TMEM51: variants seen among roughly 807,000 people sequenced by gnomAD.
TMEM51 encodes transmembrane protein 51, also known as chromosome 1 open reading frame 72.
Under a neutral mutation model 13.6 loss-of-function variants are expected in TMEM51, and 8 were observed. The observed-to-expected ratio is 0.59, with a 90% CI of 0.35 to 1.07. The LOEUF is 1.07. Among genes scored for constraint, TMEM51 ranks in the 50% least tolerant of loss-of-function variants. The pLI, the probability that TMEM51 is intolerant of heterozygous loss-of-function variation, is 0.02. For synonymous variants in TMEM51, 147 were observed against 144.4 expected, an observed-to-expected ratio of 1.02 and a Z score of -0.13; for missense variants, 279 against 330.7, an observed-to-expected ratio of 0.84 and a Z score of 1.21.
At chr1:15,153,510 T>G (rs942106977), upstream of TMEM51, among the ~76,000 whole-genome samples, 1 of 107,548 alleles carries the variant, frequency 9.3e-6, no homozygotes, top group African/African-American at 3.5e-5. Context: ...CTGGCAAGGG[T>G]TGGGGAGAAC....
intron 1 of TMEM51, among the ~76,000 whole-genome samples, chr1:15,163,590 G>A (rs1367225308): frequency 7.0e-6 from 1 of 142,086 alleles, no homozygotes; most frequent in Non-Finnish European, 1.6e-5. Context: ...TTTATCCTAA[G>A]AAAACAGTTA....
In TMEM51 at chr1:15,161,454, G is replaced by A. The variant is rs533995478; in HGVS notation, c.-267+7500G>A. ...TGGAAAGCAGAGGTTGCAGTGAGCC[G>A]AGATCGTGCCACTGAACTCCAGCCT... On this transcript the variant is annotated intron_variant, in intron 1 of 3. Transcript: ENST00000376008. This position sits in a 1 kb window ranked among gnomAD's most constrained non-coding sequence, Gnocchi z 4.0. 1.6e-4 allele frequency among the ~76,000 whole-genome samples: 24 copies of A among 152,052 alleles called. 1 individual carries two copies. The highest frequency in any genetic ancestry group is 1.1e-3 in the Admixed American group (17 of 15,280).
chr1:15,163,638 T>TTTTTTTTTTTTTTGA (rs1553197690), intron 1 of TMEM51, among the ~76,000 whole-genome samples: 102 of 151,202 alleles, frequency 6.7e-4, no homozygotes, highest in East Asian at 1.4e-3. Flanking sequence ...TGTTATTTTT[T>TTTTTTTTTTTTTTGA]GTAATAATAG....
chr1:15,192,954 G>A (rs142459285), intron 1 of TMEM51: 3,823 of 152,798 alleles, frequency 0.025, 57 homozygotes, highest in Non-Finnish European at 0.04. Flanking sequence ...TTGCTTCAAT[G>A]TGCATGTGCT....
chr1:15,190,220 T>A (rs6670174), intron 1 of TMEM51, among the ~76,000 whole-genome samples: 91,554 of 152,000 alleles, frequency 0.6, 28,277 homozygotes, highest in East Asian at 0.93. Context: ...ACATGAGGCT[T>A]TGGGCAGGTT....
chr1:15,215,405 T>C lies in TMEM51; in HGVS notation c.318T>C (p.Ala106=). The C allele has an allele frequency of 6.2e-7, 1 of 1,606,828 alleles. No individual in the cohort carries two copies. The highest frequency in any genetic ancestry group is 8.5e-7 in the Non-Finnish European group (1 of 1,177,854). ...CCCATGTCCAGCACCCGACAGGCGC[T>C]GGGCCTCACGCCCAGGAGGAAGACA... The part of the protein sequence containing the change: ...DLAHVQHPTG[A]GPHAQEEDSQ... Residue 106 remains alanine (A), a synonymous_variant, in exon 3 of 4, where the codon GCT becomes GCC. Coordinates refer to ENST00000376008, the MANE Select transcript of TMEM51 (RefSeq NM_001136218.2).
rs750270449 is a variant in TMEM51, at chr1:15,215,393, C to A, written c.306C>A (p.His102Gln). ...RQGEDLAHVQ[H>Q]PTGAGPHAQE... ...GCGAGGACCTGGCCCATGTCCAGCA[C>A]CCGACAGGCGCTGGGCCTCACGCCC... The change falls in exon 3 of 4, where the codon CAC (histidine) becomes CAA (glutamine). Residue 102 changes from histidine to glutamine, a missense_variant. Coordinates refer to ENST00000376008, the MANE Select transcript of TMEM51 (RefSeq NM_001136218.2). 1 of 1,606,692 alleles carries A rather than the reference C, an allele frequency of 6.2e-7. No individual in the cohort carries two copies. The highest frequency in any genetic ancestry group is 1.1e-5 in the South Asian group (1 of 90,396).
chr1:15,171,018 G>A (rs1484279290), intron 1 of TMEM51, among the ~76,000 whole-genome samples: 1 of 152,070 alleles, frequency 6.6e-6, no homozygotes, highest in East Asian at 1.9e-4. Context: ...GCTTGCATGA[G>A]TGGTTCTCCA....
chr1:15,180,345 C>T (rs1452604071), intron 1 of TMEM51, among the ~76,000 whole-genome samples: 1 of 152,254 alleles, frequency 6.6e-6, no homozygotes, highest in African/African-American at 2.4e-5. Flanking sequence ...CAGGCAGATC[C>T]TGGCCATGTG....
At chr1:15,194,206 C>T (rs1209718830) in intron 1 of TMEM51, among the ~76,000 whole-genome samples, 1 of 152,158 alleles carries the variant, frequency 6.6e-6, no homozygotes, top group African/African-American at 2.4e-5. Context: ...GGTAACCACA[C>T]CTTTTTTAAA....
intron 1 of TMEM51, among the ~76,000 whole-genome samples, chr1:15,159,421 T>A (rs917993515): frequency 6.6e-6 from 1 of 152,194 alleles, no homozygotes; most frequent in Non-Finnish European, 1.5e-5. Context: ...CACTAGGAAT[T>A]CATGTTTATC....
chr1:15,206,238 AAAAAAAAAG>A (rs1259892760), intron 1 of TMEM51, among the ~76,000 whole-genome samples: 3 of 145,850 alleles, frequency 2.1e-5, no homozygotes, highest in African/African-American at 4.9e-5. Context: ...CAAAAAAAAA[AAAAAAAAAG>A]AGAGAGAGAA....
chr1:15,158,093 C>T (rs543670834), intron 1 of TMEM51, among the ~76,000 whole-genome samples: 36 of 152,194 alleles, frequency 2.4e-4, no homozygotes, highest in South Asian at 1.9e-3. Context: ...ATGCCCAGCC[C>T]GTATCCTGGT....
chr1:15,170,880 C>T (rs1011905801), intron 1 of TMEM51, among the ~76,000 whole-genome samples: 1 of 152,174 alleles, frequency 6.6e-6, no homozygotes, highest in Non-Finnish European at 1.5e-5. Flanking sequence ...AGGCGCCCTC[C>T]ACCACGCCTG....
chr1:15,187,089 A>G (rs1275574878), intron 1 of TMEM51, among the ~76,000 whole-genome samples: 2 of 152,132 alleles, frequency 1.3e-5, no homozygotes, highest in Admixed American at 1.3e-4. Context: ...GCAGGACATC[A>G]GAGGCTGAGC....
At chr1:15,154,447 G>T (rs1426081354) in intron 1 of TMEM51, among the ~76,000 whole-genome samples, 3 of 152,202 alleles carry the variant, frequency 2.0e-5, no homozygotes, top group Non-Finnish European at 4.4e-5. Flanking sequence ...AAGCAAACAC[G>T]GGGGTAAAGA....
chr1:15,209,704 G>T (rs1644307534), intron 1 of TMEM51, among the ~76,000 whole-genome samples: 1 of 152,038 alleles, frequency 6.6e-6, no homozygotes, highest in Non-Finnish European at 1.5e-5. Flanking sequence ...CTGCATTCTT[G>T]GGATAAACCC....
At chr1:15,162,852 G>A (rs1377006027) in intron 1 of TMEM51, among the ~76,000 whole-genome samples, 2 of 152,026 alleles carry the variant, frequency 1.3e-5, no homozygotes, top group African/African-American at 4.8e-5. Context: ...GCCAGGGGCT[G>A]GGGGAAGAGG....
intron 1 of TMEM51, among the ~76,000 whole-genome samples, chr1:15,174,560 C>T (rs962217340): frequency 7.2e-5 from 11 of 152,150 alleles, no homozygotes; most frequent in South Asian, 2.1e-4. Flanking sequence ...TTTCCTATAT[C>T]GGTCTCAACT....
Sources: gnomAD v4.1 joint callset for allele counts (sites outside exome capture counted in the v4.1 genomes callset) on GRCh38, gnomAD v4.1.1 for gene constraint, Gnocchi (gnomAD v3.1) non-coding constraint, MANE v1.5 for transcripts, NCBI Gene and HGNC (gene_info 2026-07-23, HGNC 2026-07-21) for gene names.